ZNF385D: variants seen among roughly 807,000 people sequenced by gnomAD.
ZNF385D encodes zinc finger protein 385D, also known as zinc finger protein 659.
Under a neutral mutation model 35.8 loss-of-function variants are expected in ZNF385D, and 15 were observed. The ratio of observed to expected loss-of-function variants is 0.42; its 90% CI spans 0.28 to 0.64. The LOEUF (loss-of-function observed/expected upper bound fraction) is 0.64, where lower values mean the gene tolerates loss of function less well. ZNF385D is among the 30% of genes least tolerant of loss of function. ZNF385D has a pLI of 0.23. For missense variants in ZNF385D, 474 were observed against 494.6 expected (o/e 0.96, Z 0.39); for synonymous variants, 212 against 186.8 (o/e 1.13, Z -1.10).
intron 3 of ZNF385D, among the ~76,000 whole-genome samples, chr3:21,771,008 CAT>C (rs1248477459): frequency 6.7e-6 from 1 of 148,412 alleles, no homozygotes; most frequent in East Asian, 2.0e-4. Context: ...CCAAACACCA[CAT>C]GTTCTCACTC....
At chr3:22,034,550 AAG>A (rs1206600638) in intron 3 of ZNF385D, among the ~76,000 whole-genome samples, 1 of 152,210 alleles carries the variant, frequency 6.6e-6, no homozygotes, top group Non-Finnish European at 1.5e-5. Context: ...ATGAGGAAAA[AAG>A]AAATCAATTT....
chr3:22,356,436 G>A (rs764213855), intron 2 of ZNF385D, among the ~76,000 whole-genome samples: 1 of 151,886 alleles, frequency 6.6e-6, no homozygotes, highest in African/African-American at 2.4e-5. Flanking sequence ...AGCAAATAGT[G>A]AGGGCAAATC....
chr3:21,920,380 T>C (rs259511), intron 3 of ZNF385D, among the ~76,000 whole-genome samples: 27,854 of 152,166 alleles, frequency 0.18, 3,341 homozygotes, highest in East Asian at 0.38. Context: ...TTTGGGGTCA[T>C]TGTTACAGCT....
At chr3:22,311,902 C>A (rs1703575789) in intron 2 of ZNF385D, among the ~76,000 whole-genome samples, 1 of 152,020 alleles carries the variant, frequency 6.6e-6, no homozygotes, top group African/African-American at 2.4e-5. Context: ...GCATACTTGC[C>A]TTTATTCTGA....
chr3:22,330,585 G>A (rs1403470766), intron 2 of ZNF385D, among the ~76,000 whole-genome samples: 1 of 152,096 alleles, frequency 6.6e-6, no homozygotes, highest in African/African-American at 2.4e-5. Flanking sequence ...TGATATGACA[G>A]ATCACCTAAC....
intron 2 of ZNF385D, among the ~76,000 whole-genome samples, chr3:21,664,172 C>A (rs1385043584): frequency 2.0e-5 from 3 of 150,322 alleles, no homozygotes; most frequent in African/African-American, 7.3e-5. Flanking sequence ...CAATTTTCAT[C>A]CTAAGAATAC....
chr3:22,287,943 G>A (rs924639719), intron 2 of ZNF385D, among the ~76,000 whole-genome samples: 7 of 151,946 alleles, frequency 4.6e-5, no homozygotes, highest in African/African-American at 1.7e-4. Context: ...GAAGTTCAGT[G>A]GGAATAAACT....
At chr3:22,026,201 G>C (rs1697540293) in intron 3 of ZNF385D, among the ~76,000 whole-genome samples, 1 of 152,264 alleles carries the variant, frequency 6.6e-6, no homozygotes, top group African/African-American at 2.4e-5. Flanking sequence ...ATGGACAGAA[G>C]ACTAATTTTA....
intron 2 of ZNF385D, among the ~76,000 whole-genome samples, chr3:22,340,293 T>C (rs1216914397): frequency 2.6e-5 from 4 of 152,116 alleles, no homozygotes; most frequent in South Asian, 2.1e-4. Flanking sequence ...AAAATGGACA[T>C]AAATAAAGAT....
At chr3:21,631,482 C>G (rs2065279772) in intron 2 of ZNF385D, among the ~76,000 whole-genome samples, 1 of 152,102 alleles carries the variant, frequency 6.6e-6, no homozygotes. Context: ...AAAAATCCCT[C>G]TTTGGAGAAA....
At chr3:21,440,414 C>T (rs1363128211) in intron 4 of ZNF385D, among the ~76,000 whole-genome samples, 1 of 152,070 alleles carries the variant, frequency 6.6e-6, no homozygotes, top group Admixed American at 6.6e-5. Context: ...CTGACCAGTA[C>T]TCCTCAAAAC....
At chr3:21,424,274 A>ATTATATATATACTTATATATATATTT (rs1700881745) in intron 6 of ZNF385D, among the ~76,000 whole-genome samples, 1 of 71,660 alleles carries the variant, frequency 1.4e-5, no homozygotes, top group African/African-American at 4.1e-5. Flanking sequence ...TATATATACT[A>ATTATATATATACTTATATATATATTT]TTATATATAT....
At chr3:22,037,879 G>A (rs915463710) in intron 3 of ZNF385D, among the ~76,000 whole-genome samples, 1 of 152,040 alleles carries the variant, frequency 6.6e-6, no homozygotes, top group Non-Finnish European at 1.5e-5. Flanking sequence ...CCAAAACAGA[G>A]ATATAGACCA....
At chr3:22,245,588 T>C (rs76413286) in intron 2 of ZNF385D, among the ~76,000 whole-genome samples, 13,728 of 152,108 alleles carry the variant, frequency 0.09, 880 homozygotes, top group Non-Finnish European at 0.13. Flanking sequence ...GATTAAAGCA[T>C]TTTAATTTTA....
intron 3 of ZNF385D, among the ~76,000 whole-genome samples, chr3:21,787,824 A>G (rs138738543): frequency 6.6e-6 from 1 of 151,930 alleles, no homozygotes; most frequent in Admixed American, 6.6e-5. Flanking sequence ...AAAAAAAGAG[A>G]GCAATAACTC....
At position 21,997,116 on chromosome 3, in the gene ZNF385D, A is replaced by G. The variant is rs375050451; in HGVS notation, c.325+171701T>C. ...ACCAACCCAAATGTCCATCAATGAT[A>G]GACTGGATTAAGAAAATATGGCACA... On this transcript the variant is annotated intron_variant, in intron 3 of 5. Transcript: ENST00000494108. Among the ~76,000 whole-genome samples, 35 of 152,316 alleles carry G rather than the reference A, an allele frequency of 2.3e-4. No homozygotes were observed. In the East Asian group the frequency reaches 5.6e-3, roughly 24 times the overall value.
chr3:21,728,460 T>A (rs1027046152), intron 1 of ZNF385D, among the ~76,000 whole-genome samples: 7 of 152,070 alleles, frequency 4.6e-5, no homozygotes, highest in Admixed American at 3.9e-4. Flanking sequence ...TATCCACTTT[T>A]AAAGAAACAA....
chr3:21,932,166 CAAAAAAAAAA>C (rs543138588), intron 3 of ZNF385D, among the ~76,000 whole-genome samples: 12 of 55,336 alleles, frequency 2.2e-4, no homozygotes, highest in Admixed American at 2.9e-4. Context: ...GACTCATTCT[CAAAAAAAAAA>C]AAAAAAAAAA....
At chr3:21,770,616 T>C (rs937118012) in intron 3 of ZNF385D, among the ~76,000 whole-genome samples, 6 of 152,076 alleles carry the variant, frequency 3.9e-5, no homozygotes, top group Admixed American at 2.0e-4. Flanking sequence ...TGTGGAGAAA[T>C]AGGGACACTT....
Sources: gnomAD v4.1 joint callset for allele counts (sites outside exome capture counted in the v4.1 genomes callset) on GRCh38, gnomAD v4.1.1 for gene constraint, MANE v1.5 for transcripts, NCBI Gene and HGNC (gene_info 2026-07-23, HGNC 2026-07-21) for gene names.